Variants in SIPA1L2 observed in about 807,000 individuals in gnomAD.
The protein encoded by SIPA1L2 is signal induced proliferation associated 1 like 2, also known as signal-induced proliferation-associated 1-like protein 2.
SIPA1L2 carries 56 observed loss-of-function variants against 163.9 expected under a neutral mutation model. That is an observed-to-expected ratio of 0.34 (90% CI 0.28 to 0.43). The LOEUF (loss-of-function observed/expected upper bound fraction) is 0.43. Among genes scored for constraint, SIPA1L2 ranks in the 20% least tolerant of loss-of-function variants. The probability of loss-of-function intolerance (pLI) is 1.00; values close to 1 mark genes in which losing one functional copy is unlikely to be tolerated. For missense variants in SIPA1L2, 1,974 were observed against 2,193.5 expected, an observed-to-expected ratio of 0.90 and a Z score of 2.00; for synonymous variants, 877 against 865.7, an observed-to-expected ratio of 1.01 and a Z score of -0.23.
At chr1:232,504,601 T>A (rs1312343631) in intron 3 of SIPA1L2, among the ~76,000 whole-genome samples, 1 of 152,182 alleles carries the variant, frequency 6.6e-6, no homozygotes, top group East Asian at 1.9e-4. Context: ...TTTGTTAGTG[T>A]TTCCTGGATT....
chr1:232,617,879 A>T (rs1662584445), intron 1 of SIPA1L2, among the ~76,000 whole-genome samples: 2 of 152,264 alleles, frequency 1.3e-5, no homozygotes, highest in South Asian at 4.1e-4. Flanking sequence ...ACTCGTTTAC[A>T]ATATACATGC....
intron 19 of SIPA1L2, among the ~76,000 whole-genome samples, chr1:232,414,788 A>G (rs1661153480): frequency 6.6e-6 from 1 of 152,212 alleles, no homozygotes; most frequent in African/African-American, 2.4e-5. Flanking sequence ...CGAGGGCCCC[A>G]GGTTTACACA....
intron 2 of SIPA1L2, among the ~76,000 whole-genome samples, chr1:232,559,626 T>C (rs1658917374): frequency 6.6e-6 from 1 of 152,198 alleles, no homozygotes. Context: ...AGACATACCA[T>C]GTATTTATAG....
chr1:232,514,822 T>A lies in SIPA1L2; in HGVS notation c.518A>T (p.Asp173Val). The change falls in exon 3 of 23, where the codon GAT (aspartate) becomes GTT (valine). Residue 173 changes from aspartate (D) to valine (V), a missense_variant. Around this residue, in one of 3 missense-constraint regions of SIPA1L2, gnomAD observed 607 missense variants for 624.0 expected, o/e 0.97. Coordinates refer to ENST00000674635, the MANE Select transcript of SIPA1L2 (RefSeq NM_020808.5). ...GTTGACTGCATTTTGGTCTAAGACA[T>A]CTTCGGCATCAATGTCACTGATAGT... Reference protein sequence around the residue: ...DVTISDIDAEDVLDQNAVNPN... With the variant: ...DVTISDIDAEVVLDQNAVNPN... 1 of 1,614,202 alleles carries A rather than the reference T, an allele frequency of 6.2e-7. No individual in the cohort carries two copies. The highest frequency in any genetic ancestry group is 8.5e-7 in the Non-Finnish European group (1 of 1,180,038).
rs550027726 is a variant in SIPA1L2, at chr1:232,437,575, T to C, written c.4031+1533A>G. Among the ~76,000 whole-genome samples, 11 of 152,324 alleles carry C rather than the reference T, an allele frequency of 7.2e-5. No individual in the cohort carries two copies. In the South Asian group the frequency reaches 2.1e-3, roughly 29 times the overall value. ...ACTCCCCCTTCTCCAGGTCAAATAA[T>C]GTCCTGCTTCTCTTCTGGGGCAGTG... is the stretch of plus-strand genomic sequence containing the variant. On this transcript the variant is annotated intron_variant, in intron 15 of 22. Transcript: ENST00000674635.
At position 232,526,784 on chromosome 1, in the gene SIPA1L2, C is replaced by T. The variant is rs575811417; in HGVS notation, c.-269-11176G>A. ...TCATCTGAGACTGTGCCCCCCTGACCGGTATCTGAGACAGGGAGGCCAGGG... is the reference window on the plus strand; with the variant it reads ...TCATCTGAGACTGTGCCCCCCTGACTGGTATCTGAGACAGGGAGGCCAGGG... On this transcript the variant is annotated intron_variant, in intron 2 of 22. Coordinates refer to ENST00000674635, the MANE Select transcript of SIPA1L2 (RefSeq NM_020808.5). 4.6e-5 allele frequency among the ~76,000 whole-genome samples: 7 copies of T among 152,288 alleles called. No individual in the cohort carries two copies. In the South Asian group the frequency reaches 6.2e-4, roughly 14 times the overall value.
intron 10 of SIPA1L2, among the ~76,000 whole-genome samples, chr1:232,458,481 A>G (rs1664051706): frequency 6.6e-6 from 1 of 152,210 alleles, no homozygotes; most frequent in Non-Finnish European, 1.5e-5. Context: ...CAACTTTACC[A>G]TTTTTATTAA....
At chr1:232,548,480 A>G (rs1408878485) in intron 2 of SIPA1L2, among the ~76,000 whole-genome samples, 1 of 152,250 alleles carries the variant, frequency 6.6e-6, no homozygotes, top group Non-Finnish European at 1.5e-5. Context: ...ACTTAGACTC[A>G]TGGAAGACAA....
intron 2 of SIPA1L2, among the ~76,000 whole-genome samples, chr1:232,561,844 C>A (rs1219759937): frequency 2.0e-5 from 3 of 152,186 alleles, no homozygotes; most frequent in Non-Finnish European, 2.9e-5. Flanking sequence ...ATACACAGGG[C>A]AGCGTGTGGA....
intron 1 of SIPA1L2, among the ~76,000 whole-genome samples, chr1:232,611,960 A>AGGCC (rs1662259184): frequency 6.6e-6 from 1 of 152,172 alleles, no homozygotes; most frequent in Admixed American, 6.5e-5. Flanking sequence ...TTCATGGGCC[A>AGGCC]GGCCCAGGGT....
chr1:232,478,109 G>A (rs1359631), intron 7 of SIPA1L2, among the ~76,000 whole-genome samples: 1 of 152,136 alleles, frequency 6.6e-6, no homozygotes, highest in African/African-American at 2.4e-5. Flanking sequence ...AATCTGCTCG[G>A]CATTATTGCA....
At position 232,399,064 on chromosome 1, in the gene SIPA1L2, T is replaced by A; in HGVS notation, c.*63A>T. ...GTTGAAAGCACACAGAAAAACCACA[T>A]GTTTGTGACTTCAAAGGGACAAGGG... On this transcript the variant is annotated 3_prime_UTR_variant, in exon 23 of 23. Transcript: ENST00000674635. 5.6e-6 allele frequency: 9 copies of A among 1,602,270 alleles called. No homozygotes were observed. The highest frequency in any genetic ancestry group is 7.7e-6 in the Non-Finnish European group (9 of 1,173,358).
intron 2 of SIPA1L2, among the ~76,000 whole-genome samples, chr1:232,519,300 A>AT: frequency 6.6e-6 from 1 of 152,336 alleles, no homozygotes; most frequent in East Asian, 1.9e-4. Flanking sequence ...GTAGTTAATA[A>AT]AACGGCCAAT....
At position 232,628,607 on chromosome 1, in the gene SIPA1L2, G is replaced by A. The variant is rs569470691; in HGVS notation, c.-319+1262C>T. On this transcript the variant is annotated intron_variant, in intron 1 of 22. Transcript: ENST00000674635. ...ACTTTGGGAATGCCAAAAATAATAG[G>A]CCACCTCTCAATATCCGCAAAAATA... Among the ~76,000 whole-genome samples, 9 of 152,232 alleles carry A rather than the reference G, an allele frequency of 5.9e-5. No homozygotes were observed. In the South Asian group the frequency reaches 1.9e-3, roughly 32 times the overall value.
chr1:232,399,510 C>T (rs1660204607), intron 22 of SIPA1L2, among the ~76,000 whole-genome samples: 1 of 151,870 alleles, frequency 6.6e-6, no homozygotes, highest in Non-Finnish European at 1.5e-5. Flanking sequence ...CCATGGGGTG[C>T]TAAGATAGCC....
At chr1:232,535,169 G>A (rs1010116221) in intron 2 of SIPA1L2, among the ~76,000 whole-genome samples, 25 of 152,092 alleles carry the variant, frequency 1.6e-4, no homozygotes, top group Non-Finnish European at 1.3e-4. Flanking sequence ...TTTAATAAAC[G>A]GCTGAAACAT....
At chr1:232,617,604 T>C (rs1662565985) in intron 1 of SIPA1L2, among the ~76,000 whole-genome samples, 1 of 151,528 alleles carries the variant, frequency 6.6e-6, no homozygotes, top group Non-Finnish European at 1.5e-5. Context: ...TCCATTTACA[T>C]CACATGCAAG....
intron 10 of SIPA1L2, among the ~76,000 whole-genome samples, chr1:232,448,860 C>T (rs1185832781): frequency 6.6e-6 from 1 of 152,156 alleles, no homozygotes; most frequent in African/African-American, 2.4e-5. Context: ...TATCCCCTAC[C>T]ACTGCGGGAC....
At chr1:232,532,121 C>T (rs1657004165) in intron 2 of SIPA1L2, among the ~76,000 whole-genome samples, 1 of 152,122 alleles carries the variant, frequency 6.6e-6, no homozygotes, top group African/African-American at 2.4e-5. Context: ...GGAGGTAAGG[C>T]CACTGCAATA....
Sources: allele counts gnomAD v4.1 joint callset (sites outside exome capture counted in the v4.1 genomes callset), GRCh38; gene constraint gnomAD v4.1.1; regional missense constraint gnomAD v4.1.1; transcripts MANE v1.5; gene names NCBI Gene and HGNC (gene_info 2026-07-23, HGNC 2026-07-21).